Variants in GNA15 observed in about 807,000 individuals in gnomAD.
GNA15 encodes the protein G protein subunit alpha 15.
GNA15 carries 23 observed loss-of-function variants against 40.1 expected under a neutral mutation model. The ratio of observed to expected loss-of-function variants is 0.57; its 90% confidence interval spans 0.41 to 0.81. The LOEUF is 0.81. Among genes scored for constraint, GNA15 ranks in the 40% least tolerant of loss-of-function variants. The pLI is 0.00. For synonymous variants in GNA15, 226 were observed against 210.4 expected, an observed-to-expected ratio of 1.07 and a Z score of -0.64; for missense variants, 522 against 515.8, an observed-to-expected ratio of 1.01 and a Z score of -0.12.
At chr19:3,138,194 A>T (rs1291538870) in intron 1 of GNA15, among the ~76,000 whole-genome samples, 1 of 151,944 alleles carries the variant, frequency 6.6e-6, no homozygotes, top group East Asian at 1.9e-4. Flanking sequence ...TGAAACCAGG[A>T]GGTGGAGGCT....
chr19:3,161,951 T>C (rs1320082577), intron 6 of GNA15, among the ~76,000 whole-genome samples: 1 of 151,850 alleles, frequency 6.6e-6, no homozygotes, highest in Non-Finnish European at 1.5e-5. Context: ...GAGAATCGCT[T>C]GAACCCAGGA....
At chr19:3,143,918 A>C (rs1423952708) in intron 1 of GNA15, among the ~76,000 whole-genome samples, 2 of 151,676 alleles carry the variant, frequency 1.3e-5, no homozygotes, top group African/African-American at 4.8e-5. Flanking sequence ...CAGGAGATCG[A>C]GACCATCCTG....
At chr19:3,149,052 CAA>C (rs948866611) in intron 2 of GNA15, 28 of 428,620 alleles carry the variant, frequency 6.5e-5, no homozygotes, top group African/African-American at 5.0e-4. Context: ...TACATGCTCA[CAA>C]AGATACACAC....
Position 3,151,775 on chromosome 19 carries a change from G to A in GNA15, c.554G>A (p.Ser185Asn). ...CCCACAGCTCAGGACGTGCTCCGCA[G>A]CCGCATGCCCACCACTGGCATCAAC... ...YVPTAQDVLR[S>N]RMPTTGINEY... Residue 185 changes from serine (S) to asparagine (N), a missense_variant, in exon 4 of 7, where the codon AGC (serine) becomes AAC (asparagine). Ser to Asn is a conservative substitution (Grantham distance 46). Transcript: ENST00000262958. The surrounding 1 kb of genome is among the most constrained non-coding windows in gnomAD (Gnocchi z 5.0). The A allele has an allele frequency of 6.2e-7, 1 of 1,612,858 alleles. No homozygotes were observed. Among genetic ancestry groups the A allele is most frequent in the Non-Finnish European group, 8.5e-7 (1 of 1,179,676 alleles).
At chr19:3,138,635 A>C (rs141030460) in intron 1 of GNA15, among the ~76,000 whole-genome samples, 1 of 151,814 alleles carries the variant, frequency 6.6e-6, no homozygotes, top group East Asian at 1.9e-4. Flanking sequence ...TCTTATTTTT[A>C]TTTTTATTTT....
rs184266611 is a variant in GNA15 at position 3,158,714 on chromosome 19, C to T, written c.898+833C>T. ...TTGGCTCATGGCAACCTCCAACTCC[C>T]CGGTTCAAGTGATTCTCCTGCCTTA... On this transcript the variant is annotated intron_variant, in intron 6 of 6. Coordinates refer to ENST00000262958, the MANE Select transcript of GNA15 (RefSeq NM_002068.4). 2.1e-3 allele frequency among the ~76,000 whole-genome samples: 317 copies of T among 152,044 alleles called. 3 individuals are homozygous for T. The highest frequency in any genetic ancestry group is 7.2e-3 in the African/African-American group (297 of 41,476).
chr19:3,141,708 C>CT (rs1187549662), intron 1 of GNA15: 3 of 152,392 alleles, frequency 2.0e-5, no homozygotes, highest in African/African-American at 7.2e-5. Flanking sequence ...GTTCTTAGCA[C>CT]TTTGAGGCAG....
At chr19:3,140,055 C>G (rs867500655) in intron 1 of GNA15, among the ~76,000 whole-genome samples, 14 of 150,254 alleles carry the variant, frequency 9.3e-5, no homozygotes, top group African/African-American at 3.2e-4. Context: ...ATCTATCTAT[C>G]TATCTATCTA....
chr19:3,162,302 T>A (rs1568300497), intron 6 of GNA15, among the ~76,000 whole-genome samples: 2 of 151,162 alleles, frequency 1.3e-5, no homozygotes, highest in Non-Finnish European at 2.9e-5. Context: ...TACCTGGGCA[T>A]GGTGGCAGGC....
intron 4 of GNA15, among the ~76,000 whole-genome samples, chr19:3,153,508 G>A (rs1195126975): frequency 6.6e-6 from 1 of 151,258 alleles, no homozygotes; most frequent in Non-Finnish European, 1.5e-5. Flanking sequence ...GTGGATGGGT[G>A]ATACATGAAT....
chr19:3,157,917 C>G, intron 6 of GNA15, 36 bp downstream of exon 6: 1 of 1,535,160 alleles, frequency 6.5e-7, no homozygotes, highest in Non-Finnish European at 9.0e-7. Context: ...CCCTTCAACT[C>G]CCAAAAGCAG....
chr19:3,160,526 AG>A (rs1423838815), intron 6 of GNA15, among the ~76,000 whole-genome samples: 1 of 152,132 alleles, frequency 6.6e-6, no homozygotes, highest in East Asian at 1.9e-4. Context: ...CACTCATATC[AG>A]CCCGGATTCA....
chr19:3,136,480 C>A lies in GNA15; in HGVS notation c.30C>A (p.Cys10Ter). MARSLTWRC[C>*]PWCLTEDEKA... ...CCCGCTCGCTGACCTGGCGCTGCTG[C>A]CCCTGGTGCCTGACGGAGGATGAGA... The change falls in exon 1 of 7, where the codon TGC (cysteine) becomes TGA (stop). Residue 10 changes from cysteine to a stop codon, truncating the protein, a stop_gained. Transcript: ENST00000262958. LOFTEE classifies it high-confidence loss of function. This position sits in a 1 kb window ranked among gnomAD's most constrained non-coding sequence, Gnocchi z 4.9. 6.4e-7 allele frequency: 1 copy of A among 1,553,412 alleles called. No individual in the cohort carries two copies. Among genetic ancestry groups the A allele is most frequent in the Non-Finnish European group, 8.7e-7 (1 of 1,149,138 alleles).
chr19:3,151,612 T>A lies in GNA15; in HGVS notation c.486-95T>A. ...CCCACCTCCACCCAGGGAGCTCTCC[T>A]CCCCCAGCAGGGTCCTTGCTGGGCC... is the stretch of plus-strand genomic sequence containing the variant. On this transcript the variant is annotated intron_variant, in intron 3 of 6. Transcript: ENST00000262958. The surrounding 1 kb of genome is among the most constrained non-coding windows in gnomAD (Gnocchi z 5.0). 1 of 1,404,790 alleles carries A rather than the reference T, an allele frequency of 7.1e-7. No individual in the cohort carries two copies. The highest frequency in any genetic ancestry group is 2.6e-5 in the Admixed American group (1 of 38,336). The allele number at this position is 1,404,790 out of a possible 1,614,324, so 87.0% of individuals were successfully genotyped here.
rs2144835408 is a variant in GNA15, at chr19:3,136,074, T to A, written c.-377T>A. The A allele has an allele frequency of 5.5e-6, 1 of 181,976 alleles. No homozygotes were observed. Among genetic ancestry groups the A allele is most frequent in the East Asian group, 1.6e-4 (1 of 6,210 alleles). 11.3% of individuals were successfully genotyped at this position (181,976 alleles called of 1,614,324 possible). ...GCCCTGCTGGTCACACAGGACCCAG[T>A]CTGCGGTGGGGGTTTTCCCGCCACC... is the stretch of plus-strand genomic sequence containing the variant. On this transcript the variant is annotated 5_prime_UTR_variant, in exon 1 of 7. Coordinates refer to ENST00000262958, the MANE Select transcript of GNA15 (RefSeq NM_002068.4). The surrounding 1 kb of genome is among the most constrained non-coding windows in gnomAD (Gnocchi z 4.9).
At chr19:3,156,426 C>A (rs1251151066) in intron 5 of GNA15, among the ~76,000 whole-genome samples, 3 of 151,380 alleles carry the variant, frequency 2.0e-5, no homozygotes, top group East Asian at 2.0e-4. Flanking sequence ...CATGAACACA[C>A]ACATGCACAC....
intron 1 of GNA15, among the ~76,000 whole-genome samples, chr19:3,145,336 A>AATATATATATATATATATATATATATAT (rs1191752115): frequency 1.7e-5 from 1 of 60,212 alleles, no homozygotes; most frequent in African/African-American, 8.0e-5. Context: ...CGTCTGACTA[A>AATATATATATATATATATATATATATAT]ATATATATAT....
chr19:3,150,341 C>T (rs2144853633), intron 3 of GNA15, 56 bp downstream of exon 3: 1 of 1,432,120 alleles, frequency 7.0e-7, no homozygotes, highest in Non-Finnish European at 9.3e-7. Flanking sequence ...GGGCAGGGGC[C>T]AGGCTGGCTG....
chr19:3,139,734 C>T (rs1239848432), intron 1 of GNA15, among the ~76,000 whole-genome samples: 6 of 151,898 alleles, frequency 4.0e-5, no homozygotes, highest in Non-Finnish European at 8.8e-5. Flanking sequence ...CCCGTCTCTA[C>T]TAAAAATATA....
Sources: allele counts gnomAD v4.1 joint callset (sites outside exome capture counted in the v4.1 genomes callset), GRCh38; gene constraint gnomAD v4.1.1; non-coding constraint Gnocchi (gnomAD v3.1); transcripts MANE v1.5; gene names NCBI Gene and HGNC (gene_info 2026-07-23, HGNC 2026-07-21).